Variants in LPP observed in about 807,000 individuals in gnomAD.
The protein encoded by LPP is LIM domain containing preferred translocation partner in lipoma.
LPP carries 38 observed loss-of-function variants against 60.4 expected under a neutral mutation model. That is an observed-to-expected ratio of 0.63 (90% CI 0.49 to 0.83). The LOEUF is 0.83. Ranked by LOEUF, LPP falls within the 40% of genes least tolerant of loss-of-function variation. The pLI, the probability that LPP is intolerant of heterozygous loss-of-function variation, is 0.00. For synonymous variants in LPP, 328 were observed against 290.8 expected (o/e 1.13, Z -1.30); for missense variants, 902 against 783.6 (o/e 1.15, Z -1.80).
intron 9 of LPP, among the ~76,000 whole-genome samples, chr3:188,828,656 C>G (rs948739928): frequency 1.4e-5 from 2 of 142,826 alleles, no homozygotes; most frequent in East Asian, 4.5e-4. Flanking sequence ...CTGCATCCTT[C>G]CCAGTCATGT....
At chr3:188,598,259 G>A (rs1288054915) in intron 6 of LPP, among the ~76,000 whole-genome samples, 3 of 152,088 alleles carry the variant, frequency 2.0e-5, no homozygotes, top group Admixed American at 2.0e-4. Flanking sequence ...GAACTCTTGA[G>A]AGATTTTAAT....
Position 188,186,194 on chromosome 3 carries a change from C to T in LPP, c.-190+31942C>T, listed in dbSNP as rs139658209. ...GCTAAATATAGCTCCAACCCCCAGG[C>T]CTTGGTGTGCTTCTGGGCCACAGTG... On this transcript the variant is annotated intron_variant, in intron 1 of 11. Transcript: ENST00000617246. 2.0e-3 allele frequency among the ~76,000 whole-genome samples: 312 copies of T among 152,298 alleles called. 1 individual carries two copies. Among genetic ancestry groups the T allele is most frequent in the Admixed American group, 4.6e-3 (70 of 15,300 alleles).
At chr3:188,396,508 T>C (rs1210143040) in intron 3 of LPP, among the ~76,000 whole-genome samples, 1 of 152,236 alleles carries the variant, frequency 6.6e-6, no homozygotes, top group Non-Finnish European at 1.5e-5. Context: ...TGAGCTGCAG[T>C]TAACTTGCAG....
chr3:188,469,494 C>G (rs1281544387), intron 4 of LPP, among the ~76,000 whole-genome samples: 1 of 152,062 alleles, frequency 6.6e-6, no homozygotes, highest in African/African-American at 2.4e-5. Context: ...AAAAAAGTGA[C>G]CTAGTAATAC....
chr3:188,503,602 C>T (rs968444874), intron 5 of LPP, among the ~76,000 whole-genome samples: 1 of 149,574 alleles, frequency 6.7e-6, no homozygotes, highest in African/African-American at 2.4e-5. Context: ...GCATTTCTTG[C>T]AGGAGAAATC....
chr3:188,679,311 A>G (rs762529772), intron 7 of LPP, among the ~76,000 whole-genome samples: 21 of 152,180 alleles, frequency 1.4e-4, no homozygotes, highest in Non-Finnish European at 2.5e-4. Context: ...GTGAACATTC[A>G]TGGAAAAGTT....
intron 3 of LPP, among the ~76,000 whole-genome samples, chr3:188,399,644 AAT>A (rs1781775304): frequency 6.6e-6 from 1 of 152,184 alleles, no homozygotes; most frequent in African/African-American, 2.4e-5. Flanking sequence ...GATTAATAGA[AAT>A]GCTCTAAGTC....
chr3:188,314,690 A>T (rs1037622624), intron 2 of LPP, among the ~76,000 whole-genome samples: 2 of 152,030 alleles, frequency 1.3e-5, no homozygotes, highest in African/African-American at 2.4e-5. Context: ...GCATGGTGTC[A>T]TGCGCCTGTA....
chr3:188,314,993 A>G (rs1329891979), intron 2 of LPP, among the ~76,000 whole-genome samples: 1 of 151,744 alleles, frequency 6.6e-6, no homozygotes, highest in Non-Finnish European at 1.5e-5. Context: ...TTTCTTTAAA[A>G]TATGGTAGAA....
chr3:188,725,428 G>T (rs763125046), intron 8 of LPP: 4 of 152,212 alleles, frequency 2.6e-5, no homozygotes, highest in Non-Finnish European at 5.9e-5. Context: ...GAAGACATCT[G>T]TGGAAGGAAT....
chr3:188,642,094 G>A (rs1392559166), intron 7 of LPP, among the ~76,000 whole-genome samples: 1 of 141,592 alleles, frequency 7.1e-6, no homozygotes, highest in African/African-American at 2.7e-5. Context: ...GCCTGAAGTG[G>A]AATTTTTTTT....
rs202128477 is a variant in LPP, at chr3:188,874,499, C to T, written c.*20C>T. On this transcript the variant is annotated 3_prime_UTR_variant, in exon 12 of 12. Coordinates refer to ENST00000617246, the MANE Select transcript of LPP (RefSeq NM_001375462.1). ...CTTTAGATTCAGTCACCTGTTCAGC[C>T]GGCACTGAGAAGAACGAACACAAGA... is the stretch of plus-strand genomic sequence containing the variant. The T allele has an allele frequency of 9.1e-5, 146 of 1,610,842 alleles. No individual in the cohort carries two copies. The highest frequency in any genetic ancestry group is 6.6e-4 in the Middle Eastern group (4 of 6,050).
At chr3:188,397,742 T>C (rs1262983024) in intron 3 of LPP, among the ~76,000 whole-genome samples, 2 of 152,116 alleles carry the variant, frequency 1.3e-5, no homozygotes, top group South Asian at 2.1e-4. Flanking sequence ...GCCTCCCAAG[T>C]AGCTGGGACT....
chr3:188,809,445 C>A (rs1408349286), intron 9 of LPP, among the ~76,000 whole-genome samples: 2 of 152,098 alleles, frequency 1.3e-5, no homozygotes, highest in African/African-American at 2.4e-5. Context: ...TGTCATTGAG[C>A]TTTTTTTCAT....
chr3:188,826,092 T>A (rs996378330), intron 9 of LPP, among the ~76,000 whole-genome samples: 1 of 152,114 alleles, frequency 6.6e-6, no homozygotes. Flanking sequence ...CCGGATAGCC[T>A]GTTACTTATT....
chr3:188,836,914 T>C (rs1434716803), intron 9 of LPP, among the ~76,000 whole-genome samples: 1 of 152,214 alleles, frequency 6.6e-6, no homozygotes, highest in Non-Finnish European at 1.5e-5. Flanking sequence ...TTAGAGCCCA[T>C]CTAAATCCTT....
At chr3:188,203,154 A>G (rs1229066197) in intron 1 of LPP, among the ~76,000 whole-genome samples, 1 of 138,244 alleles carries the variant, frequency 7.2e-6, no homozygotes, top group East Asian at 2.1e-4. Flanking sequence ...ATATATAATT[A>G]TATTGTAATT....
At chr3:188,334,023 C>A (rs73053515) in intron 2 of LPP, among the ~76,000 whole-genome samples, 1,683 of 152,300 alleles carry the variant, frequency 0.011, 40 homozygotes, top group African/African-American at 0.039. Flanking sequence ...CTATCCTCCC[C>A]CTCCTGCTAC....
chr3:188,872,880 C>T lies in LPP; in HGVS notation c.1710+117C>T, dbSNP rs1008906729. On this transcript the variant is annotated intron_variant, in intron 11 of 11. Transcript: ENST00000617246. ...TCAGAACGGCCTTAGTGCCTGTACT[C>T]ATAGGACTTGGGTTTTAGATTTGAC... 1.5e-5 allele frequency: 20 copies of T among 1,325,494 alleles called. No homozygotes were observed. The African/African-American group carries it at 2.6e-4, about 17-fold the overall frequency. The allele number at this position is 1,325,494 out of a possible 1,614,324, so 82.1% of individuals were successfully genotyped here.
Sources: allele counts gnomAD v4.1 joint callset (sites outside exome capture counted in the v4.1 genomes callset), GRCh38; gene constraint gnomAD v4.1.1; transcripts MANE v1.5; gene names NCBI Gene and HGNC (gene_info 2026-07-23, HGNC 2026-07-21).